FAM83F: variants seen among roughly 807,000 people sequenced by gnomAD.
The protein encoded by FAM83F is scaffolding CK1 anchoring protein F, also known as protein FAM83F.
Under a neutral mutation model 42.9 loss-of-function variants are expected in FAM83F, and 45 were observed. The observed-to-expected ratio is 1.05, with a 90% CI of 0.83 to 1.35. The LOEUF is 1.35. Ranked by LOEUF, FAM83F falls within the 40% of genes most tolerant of loss-of-function variation. The pLI is 0.00. For missense variants in FAM83F, 617 were observed against 695.9 expected, an observed-to-expected ratio of 0.89 and a Z score of 1.28; for synonymous variants, 306 against 298.3, an observed-to-expected ratio of 1.03 and a Z score of -0.27.
Position 40,039,967 on chromosome 22 carries a change from C to T in FAM83F, c.*10402C>T, listed in dbSNP as rs1290332382. ...GAGCATTCCTGGTGGTGGAGATGGC[C>T]GCAGGCCATTATTTAAAAAGCTAGG... On this transcript the variant is annotated 3_prime_UTR_variant, in exon 5 of 5. Coordinates refer to ENST00000333407, the MANE Select transcript of FAM83F (RefSeq NM_138435.4). 1.3e-5 allele frequency: 2 copies of T among 152,088 alleles called. No homozygotes were observed. Among genetic ancestry groups the T allele is most frequent in the Admixed American group, 6.5e-5 (1 of 15,272 alleles). The allele number at this position is 152,088 out of a possible 1,614,324, so 9.4% of individuals were successfully genotyped here. A position where few individuals can be genotyped will look rare whatever the true frequency, so the allele number is the denominator to read the frequency against.
At chr22:40,020,564 T>C (rs1355315013) in intron 3 of FAM83F, among the ~76,000 whole-genome samples, 2 of 152,044 alleles carry the variant, frequency 1.3e-5, no homozygotes, top group Admixed American at 6.5e-5. Flanking sequence ...GGTTTCACCA[T>C]GTTGGCCAGG....
chr22:40,007,107 T>C (rs906908589), intron 1 of FAM83F, among the ~76,000 whole-genome samples: 18 of 151,730 alleles, frequency 1.2e-4, no homozygotes, highest in Non-Finnish European at 2.5e-4. Flanking sequence ...TGCAGTACAC[T>C]TCCGTACTGT....
intron 1 of FAM83F, among the ~76,000 whole-genome samples, chr22:40,002,396 C>G (rs1487555656): frequency 6.6e-6 from 1 of 152,192 alleles, no homozygotes; most frequent in Non-Finnish European, 1.5e-5. Flanking sequence ...GTTGGCTCCT[C>G]TGAAATCCGA....
chr22:40,014,901 A>G (rs927503653), intron 1 of FAM83F, among the ~76,000 whole-genome samples: 3 of 152,158 alleles, frequency 2.0e-5, no homozygotes, highest in Admixed American at 6.5e-5. Context: ...TACTTCCTCA[A>G]TTGTAAAGTG....
At chr22:40,001,829 C>G (rs1025335642) in intron 1 of FAM83F, among the ~76,000 whole-genome samples, 1 of 152,182 alleles carries the variant, frequency 6.6e-6, no homozygotes, top group African/African-American at 2.4e-5. Flanking sequence ...CAAATTTTCT[C>G]CCCAGAAGTT....
chr22:40,002,437 G>C (rs2067407139), intron 1 of FAM83F, among the ~76,000 whole-genome samples: 1 of 152,194 alleles, frequency 6.6e-6, no homozygotes, highest in African/African-American at 2.4e-5. Flanking sequence ...CTGAGGATGG[G>C]TGTTTCCCAG....
intron 1 of FAM83F, among the ~76,000 whole-genome samples, chr22:40,007,868 G>T (rs1053033835): frequency 1.7e-4 from 26 of 152,216 alleles, no homozygotes; most frequent in African/African-American, 6.3e-4. Context: ...AGTCTTTGCA[G>T]TGTACCCAGA....
At chr22:40,014,860 C>T (rs925496886) in intron 1 of FAM83F, among the ~76,000 whole-genome samples, 1 of 152,178 alleles carries the variant, frequency 6.6e-6, no homozygotes, top group Non-Finnish European at 1.5e-5. Context: ...GCTTTATAAC[C>T]TTGGACATAG....
chr22:39,996,171 T>A lies in FAM83F; in HGVS notation c.489+640T>A, dbSNP rs1169909042. Among the ~76,000 whole-genome samples the A allele has an allele frequency of 3.3e-5, 5 of 152,190 alleles. No homozygotes were observed. The East Asian group carries it at 7.7e-4, about 23-fold the overall frequency. ...GGGCGCCTTGGCACAGCAGGTCACC[T>A]GACTCGGCAGCTCAGGAAAGGGCTC... On this transcript the variant is annotated intron_variant, in intron 1 of 4. Coordinates refer to ENST00000333407, the MANE Select transcript of FAM83F (RefSeq NM_138435.4).
chr22:40,026,741 ACTCTC>A (rs1049685182), intron 4 of FAM83F, among the ~76,000 whole-genome samples: 1 of 151,668 alleles, frequency 6.6e-6, no homozygotes, highest in Non-Finnish European at 1.5e-5. Context: ...CCTTTCCAGA[ACTCTC>A]CTGGGGTCCC....
chr22:40,024,051 G>T (rs2067536883), intron 4 of FAM83F, among the ~76,000 whole-genome samples: 1 of 152,286 alleles, frequency 6.6e-6, no homozygotes, highest in Admixed American at 6.5e-5. Flanking sequence ...TCTCGCTGGA[G>T]TGCAGTGGTG....
intron 1 of FAM83F, among the ~76,000 whole-genome samples, chr22:40,004,484 G>T (rs2067418254): frequency 2.6e-5 from 4 of 151,854 alleles, no homozygotes; most frequent in Admixed American, 2.6e-4. Context: ...TGTATTTTTA[G>T]TAGAGACGTG....
At chr22:40,016,602 A>G (rs545020954) in intron 1 of FAM83F, among the ~76,000 whole-genome samples, 10 of 152,196 alleles carry the variant, frequency 6.6e-5, no homozygotes, top group African/African-American at 2.2e-4. Context: ...AATAATAGTA[A>G]TTATTTAGCT....
At chr22:40,001,466 C>G (rs1295427753) in intron 1 of FAM83F, among the ~76,000 whole-genome samples, 2 of 152,064 alleles carry the variant, frequency 1.3e-5, no homozygotes, top group African/African-American at 4.8e-5. Flanking sequence ...TGGCAAATCC[C>G]CATCTTTACA....
rs921935673 is a variant in FAM83F, at chr22:40,031,271, G to C, written c.*1706G>C. On this transcript the variant is annotated 3_prime_UTR_variant, in exon 5 of 5. Coordinates refer to ENST00000333407, the MANE Select transcript of FAM83F (RefSeq NM_138435.4). ...GAGAGAGGGGGGAGGTGGGATGTGG[G>C]GGTGTTACACCTCAGCTCGAGGCGG... 7 of 151,820 alleles carry C rather than the reference G, an allele frequency of 4.6e-5. No homozygotes were observed. The highest frequency in any genetic ancestry group is 1.7e-4 in the African/African-American group (7 of 41,272). The allele number at this position is 151,820 out of a possible 1,614,324, so 9.4% of individuals were successfully genotyped here.
At chr22:40,000,131 G>A (rs1488177370) in intron 1 of FAM83F, among the ~76,000 whole-genome samples, 1 of 152,208 alleles carries the variant, frequency 6.6e-6, no homozygotes, top group Non-Finnish European at 1.5e-5. Context: ...TCCCTCTGGG[G>A]AAGCAAGTGT....
At position 40,020,651 on chromosome 22, in the gene FAM83F, G is replaced by A. The variant is rs1264575342; in HGVS notation, c.780-639G>A. 2.6e-5 allele frequency among the ~76,000 whole-genome samples: 4 copies of A among 152,074 alleles called. No individual in the cohort carries two copies. In the East Asian group the frequency reaches 7.7e-4, roughly 29 times the overall value. On this transcript the variant is annotated intron_variant, in intron 3 of 4. Transcript: ENST00000333407. ...ATGCTGAGATTACAGGTGTGAGCCT[G>A]GCCTCAGAATTCTGATTTTAAAATA... is the stretch of plus-strand genomic sequence containing the variant.
Position 39,995,504 on chromosome 22 carries a change from C to T in FAM83F, c.462C>T (p.Val154=). Reference sequence around the variant, plus strand: ...AGGCGCCGCACCTCAAGCAGGTGGTCAGGCAGATGATCCAACAGGCCCAGA... The same window carrying T: ...AGGCGCCGCACCTCAAGCAGGTGGTTAGGCAGATGATCCAACAGGCCCAGA... ...DEKAPHLKQV[V]RQMIQQAQKV... Residue 154 remains valine, a synonymous_variant, in exon 1 of 5, where the codon GTC becomes GTT. Coordinates refer to ENST00000333407, the MANE Select transcript of FAM83F (RefSeq NM_138435.4). The surrounding 1 kb of genome is among the most constrained non-coding windows in gnomAD (Gnocchi z 4.6). The T allele has an allele frequency of 1.3e-6, 2 of 1,575,958 alleles. No individual in the cohort carries two copies. Among genetic ancestry groups the T allele is most frequent in the African/African-American group, 1.3e-5 (1 of 74,168 alleles).
Position 40,029,798 on chromosome 22 carries a change from G to A in FAM83F, c.*233G>A. On this transcript the variant is annotated 3_prime_UTR_variant, in exon 5 of 5. Coordinates refer to ENST00000333407, the MANE Select transcript of FAM83F (RefSeq NM_138435.4). ...TGGCTGGGCAGGGGTCAGTGCCACG[G>A]CCTCCTTGTTTACATGAAGTGGAAG... 1.8e-6 allele frequency: 1 copy of A among 542,972 alleles called. No individual in the cohort carries two copies. The allele number at this position is 542,972 out of a possible 1,614,324, so 33.6% of individuals were successfully genotyped here.
Sources: allele counts gnomAD v4.1 joint callset (sites outside exome capture counted in the v4.1 genomes callset), GRCh38; gene constraint gnomAD v4.1.1; non-coding constraint Gnocchi (gnomAD v3.1); transcripts MANE v1.5; gene names NCBI Gene and HGNC (gene_info 2026-07-23, HGNC 2026-07-21).